PPHLN1: variants seen among roughly 807,000 people sequenced by gnomAD.
The protein encoded by PPHLN1 is periphilin 1.
A neutral mutation model predicts 51.3 loss-of-function variants in PPHLN1; 29 were observed. That is an observed-to-expected ratio of 0.57 (90% CI 0.42 to 0.77). The LOEUF (loss-of-function observed/expected upper bound fraction) is 0.77, where lower values mean the gene tolerates loss of function less well. PPHLN1 is among the 30% of genes least tolerant of loss of function. PPHLN1 has a pLI of 0.00. For missense variants in PPHLN1, 436 were observed against 438.4 expected (o/e 0.99, Z 0.05); for synonymous variants, 147 against 147.8 (o/e 0.99, Z 0.04).
At chr12:42,383,947 G>A (rs1314544833) in intron 5 of PPHLN1, among the ~76,000 whole-genome samples, 1 of 123,280 alleles carries the variant, frequency 8.1e-6, no homozygotes, top group Admixed American at 1.1e-4. Flanking sequence ...TCACGCCACT[G>A]CACTCCAGCC....
intron 7 of PPHLN1, among the ~76,000 whole-genome samples, chr12:42,390,841 A>AC (rs2077638134): frequency 1.1e-5 from 1 of 93,144 alleles, no homozygotes; most frequent in Non-Finnish European, 2.0e-5. Flanking sequence ...TTTTTTGTAT[A>AC]TAAAAATAGA....
At chr12:42,447,741 A>T (rs1483228858), downstream of PPHLN1, 1 of 152,208 alleles carries the variant, frequency 6.6e-6, no homozygotes, top group African/African-American at 2.4e-5. Flanking sequence ...CCTAGAGTAC[A>T]TAAAAATTAT....
intron 1 of PPHLN1, among the ~76,000 whole-genome samples, chr12:42,332,930 G>T (rs1164807794): frequency 6.6e-6 from 1 of 151,876 alleles, no homozygotes; most frequent in African/African-American, 2.4e-5. Context: ...CTTATTGAAT[G>T]ATTTTCAGGA....
chr12:42,370,609 T>C (rs568678616), intron 4 of PPHLN1, among the ~76,000 whole-genome samples: 2 of 152,318 alleles, frequency 1.3e-5, no homozygotes, highest in Admixed American at 6.5e-5. Flanking sequence ...AGTTTCCCCT[T>C]TTATAGTGAA....
chr12:42,445,258 A>C, downstream of PPHLN1: 1 of 599,764 alleles, frequency 1.7e-6, no homozygotes, highest in Admixed American at 2.9e-5. Flanking sequence ...ACCCAATCAC[A>C]TCAATTTTTC....
intron 1 of PPHLN1, among the ~76,000 whole-genome samples, chr12:42,332,463 G>A (rs759144631): frequency 1.3e-5 from 2 of 152,160 alleles, no homozygotes; most frequent in African/African-American, 4.8e-5. Flanking sequence ...CTAGAATTCT[G>A]TTATTATAAT....
chr12:42,398,710 A>AGT (rs2078513457), intron 8 of PPHLN1, 144 bp from the exon 9 acceptor site: 2 of 619,368 alleles, frequency 3.2e-6, no homozygotes, highest in Admixed American at 6.5e-5. Flanking sequence ...CATTATGCAT[A>AGT]GTGAAATGGA....
intron 7 of PPHLN1, among the ~76,000 whole-genome samples, chr12:42,390,841 A>G (rs989059953): frequency 2.1e-5 from 2 of 93,140 alleles, no homozygotes; most frequent in African/African-American, 4.7e-5. Flanking sequence ...TTTTTTGTAT[A>G]TAAAAATAGA....
At chr12:42,444,204 A>T (rs2083166360), downstream of PPHLN1, 1 of 152,078 alleles carries the variant, frequency 6.6e-6, no homozygotes, top group Non-Finnish European at 1.5e-5. Context: ...CTGGTCAATA[A>T]GACCTCAAAA....
At chr12:42,400,298 C>T (rs1194681322) in intron 9 of PPHLN1, 6 of 151,346 alleles carry the variant, frequency 4.0e-5, no homozygotes, top group South Asian at 2.1e-4. Context: ...GAAACCCCGT[C>T]TCTACTAAAA....
At chr12:42,390,984 A>G (rs1485555052) in intron 7 of PPHLN1, among the ~76,000 whole-genome samples, 2 of 152,118 alleles carry the variant, frequency 1.3e-5, no homozygotes, top group African/African-American at 2.4e-5. Flanking sequence ...AAATCTTAAA[A>G]TGGAATCAAA....
Position 42,374,749 on chromosome 12 carries a change from C to T in PPHLN1, c.300-114C>T, listed in dbSNP as rs370872658. 3.6e-5 allele frequency: 32 copies of T among 890,408 alleles called. No homozygotes were observed. In the Admixed American group the frequency reaches 4.1e-4, roughly 11 times the overall value. 55.2% of individuals were successfully genotyped at this position (890,408 alleles called of 1,614,324 possible). The stretch of plus-strand genomic sequence containing the variant: ...GATTACAGGCGTGAGTCACCGCACC[C>T]GGCCCCAAGAGTACAATTTAAAGGG... On this transcript the variant is annotated intron_variant, in intron 4 of 9. Coordinates refer to ENST00000358314, the MANE Select transcript of PPHLN1 (RefSeq NM_201439.2).
intron 9 of PPHLN1, among the ~76,000 whole-genome samples, chr12:42,413,524 ATATGTGTGTGTGTGTGTGTG>A (rs1052506199): frequency 4.2e-5 from 5 of 119,108 alleles, no homozygotes; most frequent in South Asian, 2.8e-4. Flanking sequence ...ATATATATGT[ATATGTGTGTGTGTGTGTGTG>A]TGTGTGTGTG....
At chr12:42,421,751 T>C (rs1796357) in intron 9 of PPHLN1, among the ~76,000 whole-genome samples, 42,608 of 152,068 alleles carry the variant, frequency 0.28, 7,331 homozygotes, top group Non-Finnish European at 0.38. Flanking sequence ...GTATAGTAGA[T>C]AGTATTTTAA....
At chr12:42,406,550 G>T (rs1470288632) in intron 9 of PPHLN1, among the ~76,000 whole-genome samples, 1 of 152,182 alleles carries the variant, frequency 6.6e-6, no homozygotes, top group Non-Finnish European at 1.5e-5. Flanking sequence ...ACTGTTTCCT[G>T]TGGTTATTGG....
chr12:42,350,782 G>A (rs537957085), intron 2 of PPHLN1, among the ~76,000 whole-genome samples: 2 of 152,236 alleles, frequency 1.3e-5, no homozygotes, highest in South Asian at 4.1e-4. Context: ...GGCCAACACG[G>A]CGAAACCCCA....
intron 9 of PPHLN1, among the ~76,000 whole-genome samples, chr12:42,418,689 C>CT (rs2080699404): frequency 6.6e-6 from 1 of 152,162 alleles, no homozygotes; most frequent in Admixed American, 6.5e-5. Flanking sequence ...TAAAATTTTT[C>CT]TTTATCTCCC....
At chr12:42,326,539 C>G (rs1166195195) in intron 1 of PPHLN1, among the ~76,000 whole-genome samples, 7 of 152,078 alleles carry the variant, frequency 4.6e-5, no homozygotes, top group Non-Finnish European at 8.8e-5. Flanking sequence ...GTTCACGGTA[C>G]CCAGCTATTA....
rs925678582 is a variant in PPHLN1, at chr12:42,353,858, A to G, written c.238-1303A>G. On this transcript the variant is annotated intron_variant, in intron 3 of 9. Coordinates refer to ENST00000358314, the MANE Select transcript of PPHLN1 (RefSeq NM_201439.2). Reference sequence around the variant, plus strand: ...AAACTTGTAGCATAATAAAGCTTCAATGGCAGTTTTTTCTAATATTGTTAC... The same window carrying G: ...AAACTTGTAGCATAATAAAGCTTCAGTGGCAGTTTTTTCTAATATTGTTAC... Among the ~76,000 whole-genome samples the G allele has an allele frequency of 2.6e-5, 4 of 152,182 alleles. No homozygotes were observed. The South Asian group carries it at 6.2e-4, about 24-fold the overall frequency.
Sources: allele counts gnomAD v4.1 joint callset (sites outside exome capture counted in the v4.1 genomes callset), GRCh38; gene constraint gnomAD v4.1.1; transcripts MANE v1.5; gene names NCBI Gene and HGNC (gene_info 2026-07-23, HGNC 2026-07-21).